ROBO2: variants seen among roughly 807,000 people sequenced by gnomAD.
ROBO2 encodes the protein roundabout homolog 2.
Under a neutral mutation model 160.8 loss-of-function variants are expected in ROBO2, and 53 were observed. That is an observed-to-expected ratio of 0.33 (90% CI 0.26 to 0.41). The LOEUF (loss-of-function observed/expected upper bound fraction) is 0.41. Among genes scored for constraint, ROBO2 ranks in the 10% least tolerant of loss-of-function variants. The pLI is 1.00. For synonymous variants in ROBO2, 664 were observed against 611.7 expected, an observed-to-expected ratio of 1.09 and a Z score of -1.26; for missense variants, 1,577 against 1,722.4, an observed-to-expected ratio of 0.92 and a Z score of 1.49.
rs574677902 is a variant in ROBO2, at chr3:76,356,593, A to G, written c.109+418991A>G. On this transcript the variant is annotated intron_variant, in intron 2 of 26. Coordinates refer to the ROBO2 transcript ENST00000487694. ...AAGGGTCAGGTTACCAAAAAAATAT[A>G]ACGATGCTAAGCATATTTTTACCTG... Among the ~76,000 whole-genome samples, 315 of 151,812 alleles carry G rather than the reference A, an allele frequency of 2.1e-3. 2 individuals carry two copies. The highest frequency in any genetic ancestry group is 3.6e-3 in the Admixed American group (55 of 15,192).
At chr3:76,156,648 C>G (rs896591559) in intron 2 of ROBO2, among the ~76,000 whole-genome samples, 9 of 152,156 alleles carry the variant, frequency 5.9e-5, no homozygotes, top group Admixed American at 4.6e-4. Context: ...AAGTGATACC[C>G]CACAATTATA....
chr3:76,912,571 A>G (rs771354132), intron 2 of ROBO2, among the ~76,000 whole-genome samples: 5 of 152,188 alleles, frequency 3.3e-5, no homozygotes, highest in African/African-American at 7.2e-5. Context: ...AGATGTTCTT[A>G]CAATTTTTAA....
chr3:76,849,939 C>A (rs1179685557), intron 2 of ROBO2, among the ~76,000 whole-genome samples: 1 of 152,170 alleles, frequency 6.6e-6, no homozygotes, highest in Non-Finnish European at 1.5e-5. Flanking sequence ...GTAATCCCAG[C>A]ACTTTGGGAG....
At position 76,772,498 on chromosome 3, in the gene ROBO2, A is replaced by T. The variant is rs369760996; in HGVS notation, c.110-325516A>T. On this transcript the variant is annotated intron_variant, in intron 2 of 26. Transcript: ENST00000487694. ...TTGCTCTTCTCTCCCCACCCCTGAC[A>T]TTATACCTTGGGTTTTTTCTTTTTT... Among the ~76,000 whole-genome samples the T allele has an allele frequency of 7.7e-5, 11 of 143,348 alleles. No individual in the cohort carries two copies. The East Asian group carries it at 1.4e-3, about 19-fold the overall frequency. 94.0% of individuals were successfully genotyped at this position (143,348 alleles called of 152,430 possible).
intron 7 of ROBO2, among the ~76,000 whole-genome samples, chr3:77,546,670 G>A (rs1388263133): frequency 6.6e-6 from 1 of 152,054 alleles, no homozygotes; most frequent in Non-Finnish European, 1.5e-5. Context: ...TCAAAATTCT[G>A]TCTCTTACAT....
At chr3:76,439,646 G>C (rs1280089060) in intron 2 of ROBO2, among the ~76,000 whole-genome samples, 2 of 152,308 alleles carry the variant, frequency 1.3e-5, no homozygotes, top group African/African-American at 4.8e-5. Flanking sequence ...ATGAGGGCAA[G>C]TGCCTAGTAT....
intron 1 of ROBO2, among the ~76,000 whole-genome samples, chr3:77,044,100 T>C (rs1034499195): frequency 1.3e-5 from 2 of 152,130 alleles, no homozygotes; most frequent in Non-Finnish European, 2.9e-5. Flanking sequence ...TGAATAACCT[T>C]TGATGCTACG....
At chr3:77,107,101 G>C (rs1337545971) in intron 2 of ROBO2, among the ~76,000 whole-genome samples, 7 of 152,186 alleles carry the variant, frequency 4.6e-5, no homozygotes, top group Admixed American at 1.3e-4. Context: ...CAGCATGGCT[G>C]GGTTTTGTGA....
intron 2 of ROBO2, among the ~76,000 whole-genome samples, chr3:76,790,495 A>G (rs2063289359): frequency 6.6e-6 from 1 of 151,750 alleles, no homozygotes; most frequent in Non-Finnish European, 1.5e-5. Context: ...CTCATTGTTA[A>G]GTTGAAAATG....
chr3:76,428,785 C>T (rs17014167), intron 2 of ROBO2, among the ~76,000 whole-genome samples: 9,147 of 152,158 alleles, frequency 0.06, 581 homozygotes, highest in East Asian at 0.25. Context: ...TTGAGCCACG[C>T]GAAAGTGATA....
chr3:76,436,144 TGACTTTAAAAGGAAA>T (rs2109062310), intron 2 of ROBO2, among the ~76,000 whole-genome samples: 1 of 45,936 alleles, frequency 2.2e-5, no homozygotes, highest in African/African-American at 9.1e-5. Context: ...CCTACAGAGA[TGACTTTAAAAGGAAA>T]ACACACACAC....
At chr3:77,488,939 C>T (rs1267480926) in intron 4 of ROBO2, among the ~76,000 whole-genome samples, 1 of 152,100 alleles carries the variant, frequency 6.6e-6, no homozygotes. Context: ...AAATGTTAGG[C>T]AAACCTACAG....
chr3:77,152,763 G>A (rs185052917), intron 2 of ROBO2, among the ~76,000 whole-genome samples: 1 of 152,278 alleles, frequency 6.6e-6, no homozygotes, highest in African/African-American at 2.4e-5. Context: ...TTTCCAAACA[G>A]CTTTATTGAG....
At chr3:76,776,327 G>A (rs1005788273) in intron 2 of ROBO2, among the ~76,000 whole-genome samples, 1 of 150,888 alleles carries the variant, frequency 6.6e-6, no homozygotes, top group Non-Finnish European at 1.5e-5. Context: ...TATGTGTGAA[G>A]CATTTGTTTG....
intron 2 of ROBO2, among the ~76,000 whole-genome samples, chr3:76,337,670 C>A (rs1231067292): frequency 1.3e-5 from 2 of 152,090 alleles, no homozygotes; most frequent in Non-Finnish European, 2.9e-5. Flanking sequence ...AATAAAGGAA[C>A]TGAAGAATAG....
chr3:76,914,291 G>A (rs2076178233), intron 2 of ROBO2, among the ~76,000 whole-genome samples: 1 of 152,098 alleles, frequency 6.6e-6, no homozygotes, highest in Non-Finnish European at 1.5e-5. Flanking sequence ...TCCCTGCTAA[G>A]TGCCTTTTGA....
intron 2 of ROBO2, among the ~76,000 whole-genome samples, chr3:76,488,153 A>T (rs957221235): frequency 1.3e-5 from 2 of 152,104 alleles, no homozygotes; most frequent in Admixed American, 1.3e-4. Context: ...GTAACAAATG[A>T]CCCGAATTAG....
intron 2 of ROBO2, among the ~76,000 whole-genome samples, chr3:76,886,928 C>T (rs568205949): frequency 1.3e-5 from 2 of 152,276 alleles, no homozygotes; most frequent in South Asian, 2.1e-4. Flanking sequence ...TGTTCAGTAG[C>T]CCCATGTGGC....
chr3:76,734,990 T>C (rs889833000), intron 2 of ROBO2, among the ~76,000 whole-genome samples: 2 of 152,214 alleles, frequency 1.3e-5, no homozygotes, highest in African/African-American at 4.8e-5. Flanking sequence ...GGTAGGAATG[T>C]AAATTAGTTA....
Sources: gnomAD v4.1 joint callset for allele counts (sites outside exome capture counted in the v4.1 genomes callset) on GRCh38, gnomAD v4.1.1 for gene constraint, MANE v1.5 for transcripts, NCBI Gene and HGNC (gene_info 2026-07-23, HGNC 2026-07-21) for gene names.